NXPH1: variants seen among roughly 807,000 people sequenced by gnomAD.
NXPH1 encodes the protein neurexophilin 1, also known as neurexophilin-1.
A neutral mutation model predicts 23.7 loss-of-function variants in NXPH1; 5 were observed. That is an observed-to-expected ratio of 0.21 (90% CI 0.11 to 0.44). The LOEUF (loss-of-function observed/expected upper bound fraction) is 0.44. Ranked by LOEUF, NXPH1 falls within the 20% of genes least tolerant of loss-of-function variation. NXPH1 has a pLI of 0.99. For missense variants in NXPH1, 324 were observed against 321.6 expected, an observed-to-expected ratio of 1.01 and a Z score of -0.06; for synonymous variants, 144 against 122.2, an observed-to-expected ratio of 1.18 and a Z score of -1.18.
rs534211078 is a variant in NXPH1, at chr7:8,686,221, A to G, written c.55-64787A>G. Among the ~76,000 whole-genome samples, 40 of 152,258 alleles carry G rather than the reference A, an allele frequency of 2.6e-4. No homozygotes were observed. In the South Asian group the frequency reaches 7.5e-3, roughly 28 times the overall value. On this transcript the variant is annotated intron_variant, in intron 2 of 2. Coordinates refer to ENST00000405863, the MANE Select transcript of NXPH1 (RefSeq NM_152745.3). ...ATGCCTGATATTTTATACCTACAAG[A>G]TTCCTCTTTCTAGTTTGCATTTAGA...
chr7:8,594,520 T>C (rs1176144782), intron 2 of NXPH1, among the ~76,000 whole-genome samples: 1 of 152,034 alleles, frequency 6.6e-6, no homozygotes, highest in East Asian at 1.9e-4. Context: ...AAAGCAGCCA[T>C]TCAAGCTTAA....
chr7:8,520,519 G>C (rs1311665589), intron 2 of NXPH1, among the ~76,000 whole-genome samples: 1 of 152,174 alleles, frequency 6.6e-6, no homozygotes, highest in Non-Finnish European at 1.5e-5. Flanking sequence ...CGGTAGGAAA[G>C]TGACCCAAAG....
intron 2 of NXPH1, among the ~76,000 whole-genome samples, chr7:8,509,646 T>G (rs1817582949): frequency 6.6e-6 from 1 of 152,060 alleles, no homozygotes; most frequent in South Asian, 2.1e-4. Flanking sequence ...AGCTTGTGTT[T>G]CATCTGAGAG....
chr7:8,508,706 C>A lies in NXPH1; in HGVS notation c.54+72939C>A, dbSNP rs903932512. ...GAGGCTACAGCTATTTCTTCTATAA[C>A]CCCAGTGTCTGGCCTCATGTGCTGC... is the stretch of plus-strand genomic sequence containing the variant. On this transcript the variant is annotated intron_variant, in intron 2 of 2. Transcript: ENST00000405863. 2.0e-5 allele frequency among the ~76,000 whole-genome samples: 3 copies of A among 152,126 alleles called. No individual in the cohort carries two copies. The East Asian group carries it at 5.8e-4, about 30-fold the overall frequency.
At chr7:8,492,016 C>G (rs1310250003) in intron 2 of NXPH1, among the ~76,000 whole-genome samples, 1 of 151,880 alleles carries the variant, frequency 6.6e-6, no homozygotes, top group Non-Finnish European at 1.5e-5. Context: ...ATAATTTATG[C>G]CACTTACCTC....
chr7:8,538,944 T>C (rs1332141159), intron 2 of NXPH1, among the ~76,000 whole-genome samples: 1 of 151,896 alleles, frequency 6.6e-6, no homozygotes, highest in African/African-American at 2.4e-5. Flanking sequence ...GTTTGAAAAA[T>C]ATTACTAGTG....
chr7:8,745,334 A>G (rs1780448620), intron 2 of NXPH1, among the ~76,000 whole-genome samples: 1 of 145,946 alleles, frequency 6.9e-6, no homozygotes, highest in Non-Finnish European at 1.5e-5. Flanking sequence ...TTTTTTGTGT[A>G]TGGTGAGAAT....
chr7:8,749,593 A>G (rs7804073), intron 2 of NXPH1, among the ~76,000 whole-genome samples: 163 of 152,336 alleles, frequency 1.1e-3, no homozygotes, highest in African/African-American at 3.8e-3. Context: ...ATGACCATTC[A>G]TTTTAAGAAC....
At chr7:8,661,662 T>A (rs887996691) in intron 2 of NXPH1, among the ~76,000 whole-genome samples, 1 of 152,054 alleles carries the variant, frequency 6.6e-6, no homozygotes, top group African/African-American at 2.4e-5. Flanking sequence ...AAAACAAAAA[T>A]GTAAGCGAAA....
chr7:8,566,596 C>G lies in NXPH1; in HGVS notation c.54+130829C>G, dbSNP rs141262194. 7.2e-3 allele frequency among the ~76,000 whole-genome samples: 1,093 copies of G among 151,924 alleles called. 11 individuals are homozygous for G. Among genetic ancestry groups the G allele is most frequent in the African/African-American group, 0.023 (967 of 41,482 alleles). ...TGGAGCTGGGACACTCTTCTCCTGC[C>G]CTCAGACACTAGGACCCCAGGTCCT... On this transcript the variant is annotated intron_variant, in intron 2 of 2. Coordinates refer to ENST00000405863, the MANE Select transcript of NXPH1 (RefSeq NM_152745.3).
intron 2 of NXPH1, among the ~76,000 whole-genome samples, chr7:8,543,171 A>G (rs1255609356): frequency 6.6e-6 from 1 of 151,532 alleles, no homozygotes; most frequent in Non-Finnish European, 1.5e-5. Flanking sequence ...TACTGCTACT[A>G]TAAAACTCTT....
chr7:8,548,853 G>A (rs931101818), intron 2 of NXPH1, among the ~76,000 whole-genome samples: 4 of 151,468 alleles, frequency 2.6e-5, no homozygotes, highest in African/African-American at 9.7e-5. Flanking sequence ...GCTGTGCTTG[G>A]TTTTGTCTTT....
intron 2 of NXPH1, among the ~76,000 whole-genome samples, chr7:8,709,003 C>T (rs949488360): frequency 6.6e-6 from 1 of 152,050 alleles, no homozygotes; most frequent in Admixed American, 6.5e-5. Context: ...GACACCATGA[C>T]CAAATAGTGT....
chr7:8,747,088 A>C (rs1271799687), intron 2 of NXPH1, among the ~76,000 whole-genome samples: 1 of 152,152 alleles, frequency 6.6e-6, no homozygotes, highest in Non-Finnish European at 1.5e-5. Context: ...TGCCCTATTT[A>C]ATCCTCACAA....
chr7:8,446,559 A>G (rs1169874314), intron 2 of NXPH1, among the ~76,000 whole-genome samples: 2 of 152,242 alleles, frequency 1.3e-5, no homozygotes, highest in Admixed American at 6.5e-5. Flanking sequence ...TTAGCATCAA[A>G]CATAATAAAA....
chr7:8,682,372 G>A (rs905345514), intron 2 of NXPH1, among the ~76,000 whole-genome samples: 1 of 152,112 alleles, frequency 6.6e-6, no homozygotes, highest in African/African-American at 2.4e-5. Flanking sequence ...CACACTAAAG[G>A]ATTCTGATAC....
At position 8,448,400 on chromosome 7, in the gene NXPH1, C is replaced by T. The variant is rs896196017; in HGVS notation, c.54+12633C>T. On this transcript the variant is annotated intron_variant, in intron 2 of 2. Coordinates refer to ENST00000405863, the MANE Select transcript of NXPH1 (RefSeq NM_152745.3). The stretch of plus-strand genomic sequence containing the variant: ...TATGACACAGAAGGGCTGATTCTAT[C>T]CTAGGGCCATATTTTTTGTTTCCTT... Among the ~76,000 whole-genome samples, 6 of 152,336 alleles carry T rather than the reference C, an allele frequency of 3.9e-5. No individual in the cohort carries two copies. In the South Asian group the frequency reaches 1.2e-3, roughly 32 times the overall value.
At chr7:8,662,582 G>C (rs974813863) in intron 2 of NXPH1, among the ~76,000 whole-genome samples, 1 of 151,974 alleles carries the variant, frequency 6.6e-6, no homozygotes, top group East Asian at 1.9e-4. Context: ...TGTGAATGAA[G>C]GACTTTCAAT....
intron 2 of NXPH1, among the ~76,000 whole-genome samples, chr7:8,489,543 T>C (rs1817214602): frequency 2.0e-5 from 3 of 152,106 alleles, no homozygotes; most frequent in Admixed American, 2.0e-4. Flanking sequence ...GCTCTTACTA[T>C]TAAACGGTTG....
Sources: allele counts gnomAD v4.1 joint callset (sites outside exome capture counted in the v4.1 genomes callset), GRCh38; gene constraint gnomAD v4.1.1; transcripts MANE v1.5; gene names NCBI Gene and HGNC (gene_info 2026-07-23, HGNC 2026-07-21).